The following CPEB3 variants were observed in gnomAD, a reference collection of about 807,000 sequenced individuals.
CPEB3 encodes the protein cytoplasmic polyadenylation element-binding protein 3.
In CPEB3, 20 loss-of-function variants were observed where a neutral mutation model predicts 67.2. The ratio of observed to expected loss-of-function variants is 0.30; its 90% confidence interval spans 0.21 to 0.43. The LOEUF is 0.43. CPEB3 is among the 20% of genes least tolerant of loss of function. The probability of loss-of-function intolerance (pLI) is 1.00; values close to 1 mark genes in which losing one functional copy is unlikely to be tolerated. For missense variants in CPEB3, 746 were observed against 968.6 expected, an observed-to-expected ratio of 0.77 and a Z score of 3.05; for synonymous variants, 376 against 393.1, an observed-to-expected ratio of 0.96 and a Z score of 0.51.
At chr10:92,265,954 T>G (rs1214069054) in intron 1 of CPEB3, among the ~76,000 whole-genome samples, 2 of 151,970 alleles carry the variant, frequency 1.3e-5, no homozygotes, top group African/African-American at 2.4e-5. Flanking sequence ...ATTAATCCAC[T>G]CATGGATTAA....
intron 6 of CPEB3, among the ~76,000 whole-genome samples, chr10:92,123,152 C>A (rs1205722900): frequency 6.6e-6 from 1 of 152,178 alleles, no homozygotes; most frequent in Non-Finnish European, 1.5e-5. Context: ...TTAGCAAAGT[C>A]TTGCAGTCCA....
intron 1 of CPEB3, among the ~76,000 whole-genome samples, chr10:92,278,296 A>G (rs948133901): frequency 5.9e-5 from 9 of 152,050 alleles, no homozygotes; most frequent in Non-Finnish European, 1.2e-4. Context: ...TTTGATAGGG[A>G]TTGCACTGAA....
chr10:92,270,084 C>T (rs2134982466), intron 1 of CPEB3, among the ~76,000 whole-genome samples: 1 of 152,240 alleles, frequency 6.6e-6, no homozygotes, highest in Non-Finnish European at 1.5e-5. Flanking sequence ...TGCATTAATT[C>T]CTCAAACAGT....
intron 3 of CPEB3, among the ~76,000 whole-genome samples, chr10:92,181,902 T>C (rs1305860122): frequency 1.3e-5 from 2 of 152,126 alleles, no homozygotes; most frequent in Non-Finnish European, 2.9e-5. Context: ...GGGGCAAGAA[T>C]GGAAGATGCA....
intron 2 of CPEB3, among the ~76,000 whole-genome samples, chr10:92,227,684 G>A (rs534835682): frequency 2.0e-5 from 3 of 150,982 alleles, no homozygotes; most frequent in South Asian, 2.1e-4. Flanking sequence ...TCCGCCCCCC[G>A]GGGTTCACGC....
At chr10:92,223,608 C>T (rs901824274) in intron 2 of CPEB3, among the ~76,000 whole-genome samples, 2 of 133,828 alleles carry the variant, frequency 1.5e-5, no homozygotes, top group African/African-American at 2.8e-5. Flanking sequence ...CAGAGTCTCG[C>T]TGTCACGCAG....
intron 9 of CPEB3, among the ~76,000 whole-genome samples, chr10:92,068,890 T>A (rs1842652706): frequency 6.6e-6 from 1 of 152,134 alleles, no homozygotes. Context: ...GTAGGATTAG[T>A]TCAGATGATA....
intron 3 of CPEB3, among the ~76,000 whole-genome samples, chr10:92,191,344 G>C (rs1848972781): frequency 6.6e-6 from 1 of 151,486 alleles, no homozygotes; most frequent in Non-Finnish European, 1.5e-5. Context: ...GGAAGTTTCA[G>C]TGAGCCAAGA....
intron 7 of CPEB3, among the ~76,000 whole-genome samples, chr10:92,092,238 G>A (rs1843651285): frequency 1.3e-5 from 2 of 152,144 alleles, no homozygotes; most frequent in Admixed American, 6.5e-5. Flanking sequence ...TAGAGACAGA[G>A]TCTGCATTTT....
At chr10:92,123,395 AC>A (rs1845477957) in intron 6 of CPEB3, among the ~76,000 whole-genome samples, 2 of 19,026 alleles carry the variant, frequency 1.1e-4, no homozygotes, top group Non-Finnish European at 1.9e-4. Context: ...ACAGGCAAGG[AC>A]CAAGGACGCT....
At chr10:92,235,491 G>T (rs1851486968) in intron 2 of CPEB3, among the ~76,000 whole-genome samples, 1 of 151,930 alleles carries the variant, frequency 6.6e-6, no homozygotes, top group Non-Finnish European at 1.5e-5. Flanking sequence ...ATCATGCAAA[G>T]CCTATGGTCA....
chr10:92,157,909 ATAAT>A (rs1173554468), intron 4 of CPEB3, among the ~76,000 whole-genome samples: 1 of 152,144 alleles, frequency 6.6e-6, no homozygotes, highest in Non-Finnish European at 1.5e-5. Context: ...TTTTGCTAAA[ATAAT>A]TAAGATAGAA....
intron 1 of CPEB3, among the ~76,000 whole-genome samples, chr10:92,246,848 G>C (rs956859978): frequency 6.6e-6 from 1 of 152,150 alleles, no homozygotes; most frequent in African/African-American, 2.4e-5. Context: ...AAATTTTTAA[G>C]TTATTCCTTT....
chr10:92,105,715 GTTTTTTT>G (rs999673116), intron 7 of CPEB3, among the ~76,000 whole-genome samples: 2 of 109,728 alleles, frequency 1.8e-5, no homozygotes, highest in African/African-American at 7.4e-5. Flanking sequence ...TGTTTTGTGG[GTTTTTTT>G]TTTTTTTTTT....
At chr10:92,157,884 G>T (rs1320946614) in intron 4 of CPEB3, among the ~76,000 whole-genome samples, 1 of 151,892 alleles carries the variant, frequency 6.6e-6, no homozygotes, top group Non-Finnish European at 1.5e-5. Flanking sequence ...TAATTTTAAT[G>T]AAAGTGATAA....
chr10:92,116,259 A>AT lies in CPEB3; in HGVS notation c.1454-5066_1454-5065insA, dbSNP rs564822028. On this transcript the variant is annotated intron_variant, in intron 6 of 9. Coordinates refer to ENST00000265997, the MANE Select transcript of CPEB3 (RefSeq NM_014912.5). The stretch of plus-strand genomic sequence containing the variant: ...ATTAAACACACCTTCCAGTAAAAAA[A>AT]AAAAAAAATAATAATAATAATAATA... Among the ~76,000 whole-genome samples, 688 of 135,016 alleles carry AT rather than the reference A, an allele frequency of 5.1e-3. 4 individuals are homozygous for AT. The highest frequency in any genetic ancestry group is 6.3e-3 in the African/African-American group (218 of 34,752). The allele number at this position is 135,016 out of a possible 152,430, so 88.6% of individuals were successfully genotyped here. A position where few individuals can be genotyped will look rare whatever the true frequency, so the allele number is the denominator to read the frequency against.
At chr10:92,234,153 A>C (rs1163760233) in intron 2 of CPEB3, among the ~76,000 whole-genome samples, 1 of 151,876 alleles carries the variant, frequency 6.6e-6, no homozygotes, top group Non-Finnish European at 1.5e-5. Context: ...AGATACAGAC[A>C]GAAAGTATGG....
At chr10:92,076,625 G>A (rs1842944702) in intron 9 of CPEB3, among the ~76,000 whole-genome samples, 1 of 146,880 alleles carries the variant, frequency 6.8e-6, no homozygotes, top group East Asian at 2.1e-4. Flanking sequence ...TGTTGCCCAG[G>A]TTGGTCTCGA....
intron 7 of CPEB3, among the ~76,000 whole-genome samples, chr10:92,102,531 G>A (rs1422109473): frequency 2.0e-5 from 3 of 152,176 alleles, no homozygotes; most frequent in South Asian, 4.1e-4. Flanking sequence ...CTGATGCAAG[G>A]AAGCTACAGG....
Sources: allele counts gnomAD v4.1 joint callset (sites outside exome capture counted in the v4.1 genomes callset), GRCh38; gene constraint gnomAD v4.1.1; transcripts MANE v1.5; gene names NCBI Gene and HGNC (gene_info 2026-07-23, HGNC 2026-07-21).